Variants in CLASP1 observed in about 807,000 individuals in gnomAD.
The protein encoded by CLASP1 is CLIP-associating protein 1.
A neutral mutation model predicts 192.3 loss-of-function variants in CLASP1; 38 were observed. The observed-to-expected ratio is 0.20, with a 90% CI of 0.15 to 0.26. CLASP1 has a LOEUF of 0.26. CLASP1 is among the 10% of genes least tolerant of loss of function. The pLI is 1.00. For synonymous variants in CLASP1, 691 were observed against 712.8 expected (o/e 0.97, Z 0.49); for missense variants, 1,433 against 1,932.5 (o/e 0.74, Z 4.85).
chr2:121,479,186 G>GT (rs2092382363), intron 8 of CLASP1, among the ~76,000 whole-genome samples: 1 of 150,956 alleles, frequency 6.6e-6, no homozygotes, highest in African/African-American at 2.4e-5. Flanking sequence ...GCTAGCCAGG[G>GT]AAATCCGACC....
At chr2:121,357,786 G>A (rs2065687514) in intron 37 of CLASP1, among the ~76,000 whole-genome samples, 1 of 152,188 alleles carries the variant, frequency 6.6e-6, no homozygotes, top group Admixed American at 6.5e-5. Context: ...TCACAAAATG[G>A]TAAGTCTCCT....
At chr2:121,621,155 A>C (rs1481175848) in intron 1 of CLASP1, among the ~76,000 whole-genome samples, 3 of 152,128 alleles carry the variant, frequency 2.0e-5, no homozygotes, top group Non-Finnish European at 4.4e-5. Flanking sequence ...CAGGAAGTCA[A>C]GGCTGCAGTG....
chr2:121,391,254 T>C (rs563904649), intron 30 of CLASP1, among the ~76,000 whole-genome samples: 14 of 152,348 alleles, frequency 9.2e-5, no homozygotes, highest in Non-Finnish European at 1.5e-4. Flanking sequence ...TCTACCTGTT[T>C]ACAACTTTCT....
intron 23 of CLASP1, among the ~76,000 whole-genome samples, chr2:121,411,654 A>T (rs2077724170): frequency 6.6e-6 from 1 of 152,202 alleles, no homozygotes; most frequent in South Asian, 2.1e-4. Context: ...TATACAGATA[A>T]ACAAATAATA....
At chr2:121,606,276 C>A in intron 1 of CLASP1, 96 bp from the exon 2 acceptor site, 1 of 337,940 alleles carries the variant, frequency 3.0e-6, no homozygotes, top group Non-Finnish European at 5.3e-6. Flanking sequence ...ATTCATGCTG[C>A]AGAATCATTT....
At chr2:121,400,246 G>A (rs1253836490) in intron 28 of CLASP1, among the ~76,000 whole-genome samples, 3 of 151,942 alleles carry the variant, frequency 2.0e-5, no homozygotes, top group Non-Finnish European at 2.9e-5. Flanking sequence ...TGGCCTCACC[G>A]ACAGATGCAA....
At chr2:121,604,681 C>T (rs1328889468) in intron 2 of CLASP1, among the ~76,000 whole-genome samples, 1 of 151,962 alleles carries the variant, frequency 6.6e-6, no homozygotes, top group Admixed American at 6.6e-5. Flanking sequence ...AATAAATATA[C>T]GAAGACAGGT....
chr2:121,483,465 T>C lies in CLASP1; in HGVS notation c.713-13505A>G, dbSNP rs180872470. 2.5e-3 allele frequency among the ~76,000 whole-genome samples: 373 copies of C among 152,112 alleles called. 7 individuals are homozygous for C. The highest frequency in any genetic ancestry group is 5.9e-4 in the Non-Finnish European group (40 of 68,002). ...GAGAATATGAATGAATATGTGTGTG[T>C]GTGTGTATATATGTATGTATATATA... On this transcript the variant is annotated intron_variant, in intron 8 of 39. Transcript: ENST00000263710.
intron 1 of CLASP1, among the ~76,000 whole-genome samples, chr2:121,614,459 GCACTC>G (rs2066134026): frequency 6.6e-6 from 1 of 152,148 alleles, no homozygotes; most frequent in African/African-American, 2.4e-5. Context: ...TCACACCACT[GCACTC>G]CAGTTGGGGC....
intron 14 of CLASP1, among the ~76,000 whole-genome samples, chr2:121,452,501 C>A (rs1039583211): frequency 2.0e-5 from 3 of 152,154 alleles, no homozygotes; most frequent in African/African-American, 7.2e-5. Context: ...ACAAAATTTT[C>A]TTTTTCTGGC....
intron 2 of CLASP1, among the ~76,000 whole-genome samples, chr2:121,559,056 T>C (rs961270449): frequency 6.6e-6 from 1 of 152,200 alleles, no homozygotes; most frequent in East Asian, 1.9e-4. Context: ...CAGAAAACTT[T>C]TAGAGCCACG....
rs767236617 is a variant in CLASP1, at chr2:121,530,926, T to G, written c.196-601A>C. On this transcript the variant is annotated intron_variant, in intron 2 of 39. Transcript: ENST00000263710. Reference sequence around the variant, plus strand: ...GCGCTACTGTCCAATGAGCGCATAGTGAGGGCAGTACTGCTAACGCCTGAA... The same window carrying G: ...GCGCTACTGTCCAATGAGCGCATAGGGAGGGCAGTACTGCTAACGCCTGAA... 54 of 699,828 alleles carry G rather than the reference T, an allele frequency of 7.7e-5. No individual in the cohort carries two copies. The highest frequency in any genetic ancestry group is 5.4e-5 in the East Asian group (2 of 37,288). The allele number at this position is 699,828 out of a possible 1,614,324, so 43.4% of individuals were successfully genotyped here.
intron 2 of CLASP1, chr2:121,531,069 A>G (rs1045182897): frequency 9.7e-5 from 67 of 691,450 alleles, no homozygotes; most frequent in African/African-American, 6.0e-4. Flanking sequence ...ATAAACTAGT[A>G]CTTTGTGGTT....
chr2:121,574,442 C>T (rs1350642114), intron 2 of CLASP1, among the ~76,000 whole-genome samples: 11 of 151,936 alleles, frequency 7.2e-5, no homozygotes, highest in African/African-American at 2.7e-4. Flanking sequence ...CCAGACCAGC[C>T]TGGCCAACGT....
chr2:121,356,529 G>A (rs944478393), intron 37 of CLASP1, among the ~76,000 whole-genome samples: 1 of 152,348 alleles, frequency 6.6e-6, no homozygotes, highest in African/African-American at 2.4e-5. Flanking sequence ...CTAGCCAAGC[G>A]AGCTTGGGGT....
chr2:121,613,479 A>G (rs2065940091), intron 1 of CLASP1, among the ~76,000 whole-genome samples: 1 of 152,226 alleles, frequency 6.6e-6, no homozygotes, highest in African/African-American at 2.4e-5. Flanking sequence ...CACAATAAAA[A>G]AAGACATCTT....
At chr2:121,626,161 C>T (rs1003361881) in intron 1 of CLASP1, among the ~76,000 whole-genome samples, 5 of 150,798 alleles carry the variant, frequency 3.3e-5, no homozygotes, top group Admixed American at 3.3e-4. Context: ...TGACAGCTGA[C>T]ATGGCCATCC....
chr2:121,494,383 A>C (rs2093442819), intron 8 of CLASP1, among the ~76,000 whole-genome samples: 1 of 152,190 alleles, frequency 6.6e-6, no homozygotes, highest in Admixed American at 6.5e-5. Flanking sequence ...CATTTGTGGG[A>C]GCTAAAAATT....
At chr2:121,377,401 A>G (rs2070508266) in intron 34 of CLASP1, 98 bp downstream of exon 35, 1 of 834,034 alleles carries the variant, frequency 1.2e-6, no homozygotes, top group South Asian at 2.0e-5. Context: ...GGATAAAAAT[A>G]ATGATGAAGC....
Sources: allele counts gnomAD v4.1 joint callset (sites outside exome capture counted in the v4.1 genomes callset), GRCh38; gene constraint gnomAD v4.1.1; transcripts MANE v1.5; gene names NCBI Gene and HGNC (gene_info 2026-07-23, HGNC 2026-07-21).